MELTF: variants seen among roughly 807,000 people sequenced by gnomAD.
MELTF encodes the protein melanotransferrin, also known as antigen p97 (melanoma associated) identified by monoclonal antibodies 133.2 and 96.5.
A neutral mutation model predicts 83.7 loss-of-function variants in MELTF; 67 were observed. That is an observed-to-expected ratio of 0.80 (90% CI 0.66 to 0.98). MELTF has a LOEUF of 0.98. Ranked by LOEUF, MELTF falls within the 50% of genes least tolerant of loss-of-function variation. MELTF has a pLI of 0.00. For synonymous variants in MELTF, 462 were observed against 447.6 expected (o/e 1.03, Z -0.41); for missense variants, 1,002 against 1,035.6 (o/e 0.97, Z 0.44).
rs1718836904 is a variant in MELTF at position 197,003,443 on chromosome 3, C to T, written c.2146G>A (p.Ala716Thr). ...AGCGGGAGCAGGGGCGCCCCGGGCG[C>T]CGGGGCCGCTGGGGACGAACGCGGC... ...SQQCSGAAAP[A>T]PGAPLLPLLL... The change falls in exon 16 of 16, where the codon GCG becomes ACG. Residue 716 changes from alanine (A) to threonine (T), a missense_variant. Coordinates refer to ENST00000296350, the MANE Select transcript of MELTF (RefSeq NM_005929.6). The surrounding 1 kb of genome is among the most constrained non-coding windows in gnomAD (Gnocchi z 6.2). The T allele has an allele frequency of 1.8e-6, 2 of 1,092,334 alleles. No homozygotes were observed. Among genetic ancestry groups the T allele is most frequent in the East Asian group, 5.4e-5 (1 of 18,526 alleles). The allele number at this position is 1,092,334 out of a possible 1,614,324, so 67.7% of individuals were successfully genotyped here. A position where few individuals can be genotyped will look rare whatever the true frequency, so the allele number is the denominator to read the frequency against.
intron 9 of MELTF, among the ~76,000 whole-genome samples, chr3:197,012,653 C>T (rs116265126): frequency 9.7e-4 from 148 of 152,382 alleles, no homozygotes; most frequent in African/African-American, 3.3e-3. Flanking sequence ...GGCTCTGGGC[C>T]GAGGCTGGAC....
chr3:197,023,535 G>A (rs1340448399), intron 4 of MELTF, among the ~76,000 whole-genome samples: 3 of 152,190 alleles, frequency 2.0e-5, no homozygotes, highest in Non-Finnish European at 2.9e-5. Context: ...CACACGCCCG[G>A]CGGCCAGCCT....
rs546744592 is a variant in MELTF at position 197,016,245 on chromosome 3, G to A, written c.1025C>T (p.Ala342Val). 3.9e-5 allele frequency: 63 copies of A among 1,607,816 alleles called. No homozygotes were observed. Among genetic ancestry groups the A allele is most frequent in the Admixed American group, 3.9e-4 (23 of 59,384 alleles). The change falls in exon 8 of 16, where the codon GCG becomes GTG. Residue 342 changes from alanine to valine, a missense_variant. By Grantham distance (64) the Ala-to-Val change is moderately conservative (BLOSUM62 0). Coordinates refer to ENST00000296350, the MANE Select transcript of MELTF (RefSeq NM_005929.6). ...GTGCAGGTACTCATGGCCCAGCCAC[G>A]CCTCATAGGTCTGTGTGGCGATGGG... ...LVPIATQTYE[A>V]WLGHEYLHAM...
At position 197,029,589 on chromosome 3, in the gene MELTF, T is replaced by C. The variant is rs1577952929; in HGVS notation, c.49+65A>G. On this transcript the variant is annotated intron_variant, in intron 1 of 15. Transcript: ENST00000296350. This position sits in a 1 kb window ranked among gnomAD's most constrained non-coding sequence, Gnocchi z 6.5. The stretch of plus-strand genomic sequence containing the variant: ...CAGGCACATTTCCAGCCCCGGGACC[T>C]GCTCAGCCGGGCCGCGGCGCCCCGG... The C allele has an allele frequency of 1.7e-6, 2 of 1,206,868 alleles. No individual in the cohort carries two copies. The highest frequency in any genetic ancestry group is 3.2e-5 in the East Asian group (1 of 31,534). The allele number at this position is 1,206,868 out of a possible 1,614,324, so 74.8% of individuals were successfully genotyped here. A position where few individuals can be genotyped will look rare whatever the true frequency, so the allele number is the denominator to read the frequency against.
Position 197,024,056 on chromosome 3 carries a change from TG to T in MELTF, c.487+246del, listed in dbSNP as rs1719742485. ...GCTGGGCCTGTGCCTGGCTGTGCCA[TG>T]TGGGACACCACGATGCGTGAGCAAG... On this transcript the variant is annotated intron_variant, in intron 4 of 15. Coordinates refer to ENST00000296350, the MANE Select transcript of MELTF (RefSeq NM_005929.6). This position sits in a 1 kb window ranked among gnomAD's most constrained non-coding sequence, Gnocchi z 5.3. 1 of 640,032 alleles carries T rather than the reference TG, an allele frequency of 1.6e-6. No individual in the cohort carries two copies. Among genetic ancestry groups the T allele is most frequent in the South Asian group, 1.6e-5 (1 of 61,030 alleles). 39.6% of individuals were successfully genotyped at this position (640,032 alleles called of 1,614,324 possible). A position where few individuals can be genotyped will look rare whatever the true frequency, so the allele number is the denominator to read the frequency against.
Position 197,003,641 on chromosome 3 carries a change from C to T in MELTF, c.2138-190G>A, listed in dbSNP as rs1158788962. On this transcript the variant is annotated intron_variant, in intron 15 of 15. Coordinates refer to ENST00000296350, the MANE Select transcript of MELTF (RefSeq NM_005929.6). The surrounding 1 kb of genome is among the most constrained non-coding windows in gnomAD (Gnocchi z 6.2). ...GAAAGGCAGCACACGCATGTCTCTG[C>T]CGTGGCCCCAGATCCTCCCCGCGCC... 15 of 662,480 alleles carry T rather than the reference C, an allele frequency of 2.3e-5. No homozygotes were observed. The highest frequency in any genetic ancestry group is 4.2e-4 in the Middle Eastern group (1 of 2,366). 41.0% of individuals were successfully genotyped at this position (662,480 alleles called of 1,614,324 possible).
In MELTF at chr3:197,023,123, G is replaced by A; in HGVS notation, c.488-10C>T. On this transcript the variant is annotated splice_polypyrimidine_tract_variant and intron_variant, in intron 4 of 15. Transcript: ENST00000296350. ...AAATAGTCGCTGACAGCTGTGGGAA[G>A]GAGGTAGAGAGGTCACTCAGCAGAA... 1.2e-6 allele frequency: 2 copies of A among 1,613,424 alleles called. No individual in the cohort carries two copies. The highest frequency in any genetic ancestry group is 3.3e-5 in the Admixed American group (2 of 59,998).
rs895271318 is a variant in MELTF at position 197,011,631 on chromosome 3, C to T, written c.1234-837G>A. Reference sequence around the variant, plus strand: ...GGCCAGGAGGGTGCACAGCTCGGGGCCCTTTTTCCACCACTCAGACCTCCC... The same window carrying T: ...GGCCAGGAGGGTGCACAGCTCGGGGTCCTTTTTCCACCACTCAGACCTCCC... On this transcript the variant is annotated intron_variant, in intron 9 of 15. Coordinates refer to ENST00000296350, the MANE Select transcript of MELTF (RefSeq NM_005929.6). This position sits in a 1 kb window ranked among gnomAD's most constrained non-coding sequence, Gnocchi z 4.2. 6.6e-6 allele frequency among the ~76,000 whole-genome samples: 1 copy of T among 152,112 alleles called. No individual in the cohort carries two copies. Among genetic ancestry groups the T allele is most frequent in the African/African-American group, 2.4e-5 (1 of 41,420 alleles).
At chr3:197,019,418 GA>G in intron 6 of MELTF, 1 of 1,342,502 alleles carries the variant, frequency 7.4e-7, no homozygotes, top group Non-Finnish European at 9.6e-7. Flanking sequence ...CTTAAAAAAT[GA>G]CTCCCTTAGA....
intron 14 of MELTF, 148 bp from the exon 15 acceptor site, chr3:197,004,247 G>T: frequency 1.3e-6 from 1 of 770,440 alleles, no homozygotes; most frequent in Non-Finnish European, 2.2e-6. Context: ...GAAGTCATAA[G>T]CTTGACAACT....
At position 197,006,623 on chromosome 3, in the gene MELTF, T is replaced by G. The variant is rs752891150; in HGVS notation, c.1864A>C (p.Ile622Leu). ...CGGACCATCACGGCGTGGGGTGGTA[T>G]CTGTGCCAGGTTGCAGGCTGCAAAC... ...SQFAACNLAQ[I>L]PPHAVMVRPD... Residue 622 changes from isoleucine (I) to leucine (L), a missense_variant, in exon 14 of 16, where the codon ATA becomes CTA. Transcript: ENST00000296350. This position sits in a 1 kb window ranked among gnomAD's most constrained non-coding sequence, Gnocchi z 5.4. 4 of 1,613,104 alleles carry G rather than the reference T, an allele frequency of 2.5e-6. No individual in the cohort carries two copies. Among genetic ancestry groups the G allele is most frequent in the Non-Finnish European group, 2.5e-6 (3 of 1,179,552 alleles).
Position 197,003,689 on chromosome 3 carries a change from A to C in MELTF, c.2137+212T>G. The C allele has an allele frequency of 1.5e-6, 1 of 675,350 alleles. No individual in the cohort carries two copies. The highest frequency in any genetic ancestry group is 2.5e-6 in the Non-Finnish European group (1 of 406,894). The allele number at this position is 675,350 out of a possible 1,614,324, so 41.8% of individuals were successfully genotyped here. ...GCCGCCGTTTTGAGCGTTCACACTCATTACCCAGGTCCGTCTGGGAGACCC... is the reference window on the plus strand; with the variant it reads ...GCCGCCGTTTTGAGCGTTCACACTCCTTACCCAGGTCCGTCTGGGAGACCC... On this transcript the variant is annotated intron_variant, in intron 15 of 15. Transcript: ENST00000296350. The surrounding 1 kb of genome is among the most constrained non-coding windows in gnomAD (Gnocchi z 6.2).
chr3:197,029,815 T>C lies in MELTF; in HGVS notation c.-113A>G, dbSNP rs985120582. 7.3e-5 allele frequency: 54 copies of C among 744,260 alleles called. No homozygotes were observed. In the East Asian group the frequency reaches 1.8e-3, roughly 25 times the overall value. The allele number at this position is 744,260 out of a possible 1,614,324, so 46.1% of individuals were successfully genotyped here. ...CTCGCGCTGGCCCGAGCTCCTTAAG[T>C]GCGGCCGCGAGTTCCCGGGCGGAAT... On this transcript the variant is annotated 5_prime_UTR_variant, in exon 1 of 16. Coordinates refer to ENST00000296350, the MANE Select transcript of MELTF (RefSeq NM_005929.6). This position sits in a 1 kb window ranked among gnomAD's most constrained non-coding sequence, Gnocchi z 6.5.
chr3:197,022,818 T>C lies in MELTF; in HGVS notation c.644+139A>G. The C allele has an allele frequency of 3.8e-6, 3 of 794,782 alleles. No homozygotes were observed. The highest frequency in any genetic ancestry group is 6.2e-6 in the Non-Finnish European group (3 of 483,330). The allele number at this position is 794,782 out of a possible 1,614,324, so 49.2% of individuals were successfully genotyped here. On this transcript the variant is annotated intron_variant, in intron 5 of 15. Coordinates refer to ENST00000296350, the MANE Select transcript of MELTF (RefSeq NM_005929.6). This position sits in a 1 kb window ranked among gnomAD's most constrained non-coding sequence, Gnocchi z 5.1. ...AAACTAACCAGGGCACAGAACTATATAAAGGGTGCTTTGATGAGACGCAGC... is the reference window on the plus strand; with the variant it reads ...AAACTAACCAGGGCACAGAACTATACAAAGGGTGCTTTGATGAGACGCAGC...
At chr3:197,021,373 T>C in intron 6 of MELTF, 31 bp downstream of exon 6, 1 of 1,612,194 alleles carries the variant, frequency 6.2e-7, no homozygotes, top group Non-Finnish European at 8.5e-7. Flanking sequence ...GACTCCCTGC[T>C]CCTCTGGGCC....
chr3:197,017,615 C>T (rs555180935), intron 6 of MELTF, among the ~76,000 whole-genome samples: 12 of 152,234 alleles, frequency 7.9e-5, no homozygotes, highest in African/African-American at 2.2e-4. Flanking sequence ...TGGTGGCTCA[C>T]GCCTGTAATC....
Position 197,026,645 on chromosome 3 carries a change from A to G in MELTF, c.304+15T>C. On this transcript the variant is annotated intron_variant, in intron 3 of 15. Coordinates refer to ENST00000296350, the MANE Select transcript of MELTF (RefSeq NM_005929.6). ...AGCGCAGGCTGTCCTCTCTCCTCCCACTGCACCCTCTTACCTTGATCGTAC... is the reference window on the plus strand; with the variant it reads ...AGCGCAGGCTGTCCTCTCTCCTCCCGCTGCACCCTCTTACCTTGATCGTAC... The G allele has an allele frequency of 1.9e-6, 3 of 1,610,532 alleles. No homozygotes were observed. The African/African-American group carries it at 4.0e-5, about 21-fold the overall frequency.
rs547443595 is a variant in MELTF, at chr3:197,023,862, T to G, written c.487+441A>C. 6.5e-6 allele frequency: 3 copies of G among 458,542 alleles called. No homozygotes were observed. In the Admixed American group the frequency reaches 7.0e-5, roughly 11 times the overall value. The allele number at this position is 458,542 out of a possible 1,614,324, so 28.4% of individuals were successfully genotyped here. On this transcript the variant is annotated intron_variant, in intron 4 of 15. Coordinates refer to ENST00000296350, the MANE Select transcript of MELTF (RefSeq NM_005929.6). ...GGGTTTACACGGCTGGTTGGGCTGA[T>G]GAGCCACTTGGGAGCTTTCTGGGTG...
chr3:197,024,469 A>G lies in MELTF; in HGVS notation c.321T>C (p.Tyr107=), dbSNP rs1247150318. ...EVYDQEVGTS[Y]YAVAVVRRSS... ...TCCTCCTGACCACAGCCACGGCGTA[A>G]TAGGAGGTACCGACCTCTAGGAGGG... The change falls in exon 4 of 16, where the codon TAT becomes TAC. Residue 107 remains tyrosine (Y), a synonymous_variant. Transcript: ENST00000296350. This position sits in a 1 kb window ranked among gnomAD's most constrained non-coding sequence, Gnocchi z 5.3. 2 of 1,592,178 alleles carry G rather than the reference A, an allele frequency of 1.3e-6. No individual in the cohort carries two copies. The highest frequency in any genetic ancestry group is 1.8e-4 in the Middle Eastern group (1 of 5,474).
Sources: gnomAD v4.1 joint callset for allele counts (sites outside exome capture counted in the v4.1 genomes callset) on GRCh38, gnomAD v4.1.1 for gene constraint, Gnocchi (gnomAD v3.1) non-coding constraint, MANE v1.5 for transcripts, NCBI Gene and HGNC (gene_info 2026-07-23, HGNC 2026-07-21) for gene names.